The following SLC16A12 variants were observed in gnomAD, a reference collection of about 807,000 sequenced individuals.
SLC16A12 encodes monocarboxylate transporter 12.
In SLC16A12, 17 loss-of-function variants were observed where a neutral mutation model predicts 42.4. The observed-to-expected ratio is 0.40, with a 90% CI of 0.27 to 0.60. The LOEUF (loss-of-function observed/expected upper bound fraction) is 0.60. Ranked by LOEUF, SLC16A12 falls within the 20% of genes least tolerant of loss-of-function variation. The probability of loss-of-function intolerance (pLI) is 0.42; values close to 1 mark genes in which losing one functional copy is unlikely to be tolerated. For missense variants in SLC16A12, 544 were observed against 623.0 expected (o/e 0.87, Z 1.35); for synonymous variants, 224 against 229.4 (o/e 0.98, Z 0.21).
At chr10:89,487,955 G>GGTGT (rs1463542034) in intron 2 of SLC16A12, among the ~76,000 whole-genome samples, 9 of 94,460 alleles carry the variant, frequency 9.5e-5, no homozygotes, top group African/African-American at 3.4e-4. Flanking sequence ...AAGAAAATGT[G>GGTGT]GTGTGTGTGT....
intron 2 of SLC16A12, among the ~76,000 whole-genome samples, chr10:89,551,303 T>G (rs1310120317): frequency 6.6e-6 from 1 of 151,884 alleles, no homozygotes; most frequent in Admixed American, 6.6e-5. Context: ...ATTAGCTAGG[T>G]AGGATGGTGC....
At chr10:89,478,579 A>G (rs1325140123) in intron 2 of SLC16A12, among the ~76,000 whole-genome samples, 1 of 152,196 alleles carries the variant, frequency 6.6e-6, no homozygotes, top group Non-Finnish European at 1.5e-5. Flanking sequence ...CTTTTAGTGT[A>G]TTTCAAAGAT....
At chr10:89,527,356 G>C (rs1303993635) in intron 2 of SLC16A12, among the ~76,000 whole-genome samples, 1 of 151,900 alleles carries the variant, frequency 6.6e-6, no homozygotes, top group African/African-American at 2.4e-5. Context: ...GGTGGCAGGT[G>C]CCTGTAATCC....
chr10:89,537,343 G>A (rs1443927061), upstream of SLC16A12, among the ~76,000 whole-genome samples: 1 of 151,958 alleles, frequency 6.6e-6, no homozygotes, highest in Admixed American at 6.6e-5. Flanking sequence ...GTGCAAGCCA[G>A]GGGTTTTTTT....
At chr10:89,460,409 C>A (rs575722609) in intron 3 of SLC16A12, among the ~76,000 whole-genome samples, 122 of 152,136 alleles carry the variant, frequency 8.0e-4, no homozygotes, top group African/African-American at 2.8e-3. Flanking sequence ...TCTCCCAATT[C>A]CTCTTACAGA....
chr10:89,517,385 G>T (rs1318069512), intron 2 of SLC16A12, among the ~76,000 whole-genome samples: 1 of 151,922 alleles, frequency 6.6e-6, no homozygotes, highest in African/African-American at 2.4e-5. Flanking sequence ...CACAATCATA[G>T]CTCACTGTAA....
At chr10:89,470,273 C>T (rs1242677118) in intron 2 of SLC16A12, among the ~76,000 whole-genome samples, 3 of 152,184 alleles carry the variant, frequency 2.0e-5, no homozygotes, top group Admixed American at 1.3e-4. Context: ...GGGTGATGAG[C>T]TGCCCATGTT....
At chr10:89,494,809 G>C (rs1331094099) in intron 2 of SLC16A12, among the ~76,000 whole-genome samples, 1 of 152,188 alleles carries the variant, frequency 6.6e-6, no homozygotes, top group Non-Finnish European at 1.5e-5. Flanking sequence ...TGGGAATGAA[G>C]CTAAAAATAG....
chr10:89,480,569 G>A (rs1842647358), intron 2 of SLC16A12, among the ~76,000 whole-genome samples: 1 of 152,088 alleles, frequency 6.6e-6, no homozygotes, highest in Non-Finnish European at 1.5e-5. Flanking sequence ...TAGCTATACA[G>A]GAGCATATAG....
chr10:89,470,937 C>T (rs1056368954), intron 2 of SLC16A12, among the ~76,000 whole-genome samples: 8 of 152,114 alleles, frequency 5.3e-5, no homozygotes, highest in African/African-American at 1.9e-4. Flanking sequence ...GACACGTGAG[C>T]TCTCCCCTAG....
Position 89,487,964 on chromosome 10 carries a change from GTATATATATATATATA to G in SLC16A12, c.-46-25356_-46-25341del, listed in dbSNP as rs147234370. The stretch of plus-strand genomic sequence containing the variant: ...TGGATAAAGAAAATGTGGTGTGTGT[GTATATATATATATATA>G]TATATATATATATATACACACACAC... On this transcript the variant is annotated intron_variant, in intron 2 of 7. Coordinates refer to ENST00000371790, the MANE Select transcript of SLC16A12 (RefSeq NM_213606.4). 5.8e-4 allele frequency among the ~76,000 whole-genome samples: 74 copies of G among 126,698 alleles called. 1 individual carries two copies. In the Middle Eastern group the frequency reaches 0.037, roughly 64 times the overall value. 83.1% of individuals were successfully genotyped at this position (126,698 alleles called of 152,430 possible).
intron 3 of SLC16A12, among the ~76,000 whole-genome samples, chr10:89,455,242 A>ATGATG (rs1374872411): frequency 6.6e-6 from 1 of 152,142 alleles, no homozygotes; most frequent in Non-Finnish European, 1.5e-5. Flanking sequence ...GGGCCCCCAG[A>ATGATG]TGATGATATT....
At chr10:89,515,714 A>G (rs906077248) in intron 2 of SLC16A12, among the ~76,000 whole-genome samples, 2 of 152,178 alleles carry the variant, frequency 1.3e-5, no homozygotes, top group African/African-American at 4.8e-5. Context: ...CAGGCTTGCA[A>G]GAGCACCCCC....
At chr10:89,546,187 A>G (rs191986572) in intron 2 of SLC16A12, among the ~76,000 whole-genome samples, 1 of 152,332 alleles carries the variant, frequency 6.6e-6, no homozygotes, top group Non-Finnish European at 1.5e-5. Flanking sequence ...CAAAATAGAC[A>G]AATGGGATCT....
intron 2 of SLC16A12, among the ~76,000 whole-genome samples, chr10:89,473,717 G>T (rs778178513): frequency 1.1e-4 from 16 of 152,102 alleles, no homozygotes; most frequent in Non-Finnish European, 2.4e-4. Context: ...CAGTGGGGAG[G>T]TACTCTTTTA....
At chr10:89,529,792 C>T (rs1392659923) in intron 2 of SLC16A12, among the ~76,000 whole-genome samples, 10 of 152,164 alleles carry the variant, frequency 6.6e-5, no homozygotes, top group African/African-American at 2.2e-4. Context: ...AGGTGATCCA[C>T]CCGCCTCAAC....
intron 2 of SLC16A12, among the ~76,000 whole-genome samples, chr10:89,531,294 G>C (rs1482602873): frequency 6.6e-6 from 1 of 152,044 alleles, no homozygotes; most frequent in Non-Finnish European, 1.5e-5. Flanking sequence ...AGCTACTCAG[G>C]AGGCTGAGGT....
intron 2 of SLC16A12, among the ~76,000 whole-genome samples, chr10:89,522,709 T>C (rs990534387): frequency 6.6e-6 from 1 of 152,198 alleles, no homozygotes; most frequent in Non-Finnish European, 1.5e-5. Flanking sequence ...TGCATCCTGG[T>C]TCTGCCTCTT....
chr10:89,446,617 G>A (rs547935755), intron 3 of SLC16A12, among the ~76,000 whole-genome samples: 5 of 152,254 alleles, frequency 3.3e-5, no homozygotes, highest in South Asian at 2.1e-4. Flanking sequence ...AGCACTAAAC[G>A]TGGAAAGGAA....
Sources: allele counts gnomAD v4.1 joint callset (sites outside exome capture counted in the v4.1 genomes callset), GRCh38; gene constraint gnomAD v4.1.1; transcripts MANE v1.5; gene names NCBI Gene and HGNC (gene_info 2026-07-23, HGNC 2026-07-21).